The following TEX22 variants were observed in gnomAD, a reference collection of about 807,000 sequenced individuals.
TEX22 encodes the protein testis-expressed protein 22.
TEX22 carries 16 observed loss-of-function variants against 11.3 expected under a neutral mutation model. That is an observed-to-expected ratio of 1.42 (90% CI 0.96 to 2.15). The LOEUF (loss-of-function observed/expected upper bound fraction) is 2.15, where lower values mean the gene tolerates loss of function less well. Ranked by LOEUF, TEX22 falls within the 30% of genes most tolerant of loss-of-function variation. The pLI is 0.00. For missense variants in TEX22, 220 were observed against 208.6 expected (o/e 1.05, Z -0.34); for synonymous variants, 97 against 92.3 (o/e 1.05, Z -0.29).
intron 2 of TEX22, among the ~76,000 whole-genome samples, chr14:105,401,247 AAG>A (rs1223203534): frequency 6.6e-6 from 1 of 152,230 alleles, no homozygotes; most frequent in East Asian, 1.9e-4. Flanking sequence ...ATGTAAATAA[AAG>A]AAGATTGTAA....
intron 2 of TEX22, among the ~76,000 whole-genome samples, chr14:105,403,756 A>G (rs1258997892): frequency 2.0e-5 from 3 of 152,210 alleles, no homozygotes; most frequent in African/African-American, 7.2e-5. Context: ...AGCTTCCCAA[A>G]AACAATTCAG....
intron 2 of TEX22, among the ~76,000 whole-genome samples, chr14:105,404,302 AGAGT>A (rs1377955264): frequency 1.3e-5 from 2 of 152,220 alleles, no homozygotes; most frequent in African/African-American, 2.4e-5. Context: ...GGCTTCCCCC[AGAGT>A]GAGTGAGTGG....
At chr14:105,407,013 G>T (rs1190612163) in intron 2 of TEX22, among the ~76,000 whole-genome samples, 1 of 151,516 alleles carries the variant, frequency 6.6e-6, no homozygotes, top group Non-Finnish European at 1.5e-5. Context: ...CTCACGTTTT[G>T]GTGTGTCCTG....
At chr14:105,410,042 T>C (rs1555419182) in intron 2 of TEX22, among the ~76,000 whole-genome samples, 1 of 152,202 alleles carries the variant, frequency 6.6e-6, no homozygotes. Flanking sequence ...CTGCTGGGAT[T>C]GCAGATGTGA....
chr14:105,407,067 TA>T (rs1327289649), intron 2 of TEX22, among the ~76,000 whole-genome samples: 5 of 96,216 alleles, frequency 5.2e-5, no homozygotes, highest in African/African-American at 2.2e-4. Flanking sequence ...GCTAATTTCT[TA>T]ATTTTTTTTT....
At chr14:105,409,854 G>A (rs2081679738) in intron 2 of TEX22, among the ~76,000 whole-genome samples, 1 of 149,418 alleles carries the variant, frequency 6.7e-6, no homozygotes. Context: ...ACAGTTCACT[G>A]CAGCCTCAGC....
chr14:105,406,158 A>G (rs2081657611), intron 2 of TEX22, among the ~76,000 whole-genome samples: 2 of 152,234 alleles, frequency 1.3e-5, no homozygotes, highest in Non-Finnish European at 2.9e-5. Flanking sequence ...CCATGTGAGC[A>G]CTGAGAGAGT....
intron 2 of TEX22, among the ~76,000 whole-genome samples, chr14:105,407,726 A>T (rs782534477): frequency 6.6e-6 from 1 of 152,144 alleles, no homozygotes; most frequent in Non-Finnish European, 1.5e-5. Flanking sequence ...TTCACTCAGG[A>T]CTTAATTAGA....
chr14:105,399,406 G>A lies in TEX22; in HGVS notation c.66G>A (p.Arg22=). Residue 22 remains arginine, a synonymous_variant, in exon 2 of 4, where the codon AGG becomes AGA. Coordinates refer to ENST00000451127, the MANE Select transcript of TEX22 (RefSeq NM_001195082.2). ...AGTCGCACCTCTCCCAAGAGCACAG[G>A]CGGCCCCCACTGGGCCTGATAGCAG... ...KLESHLSQEH[R]RPPLGLIAAW... 2 of 1,535,844 alleles carry A rather than the reference G, an allele frequency of 1.3e-6. No homozygotes were observed. The highest frequency in any genetic ancestry group is 1.7e-6 in the Non-Finnish European group (2 of 1,146,788).
chr14:105,398,676 C>T (rs973337171), intron 1 of TEX22, 41 bp downstream of exon 1: 1 of 152,708 alleles, frequency 6.5e-6, no homozygotes. Flanking sequence ...ACGTACCCCC[C>T]ACCTCCGACC....
At chr14:105,400,737 C>T (rs1165287744) in intron 2 of TEX22, among the ~76,000 whole-genome samples, 5 of 152,004 alleles carry the variant, frequency 3.3e-5, no homozygotes, top group Non-Finnish European at 5.9e-5. Flanking sequence ...CAAGGGCAGG[C>T]GAGCAGTGGG....
Position 105,411,956 on chromosome 14 carries a change from A to G in TEX22, c.*123A>G. On this transcript the variant is annotated 3_prime_UTR_variant, in exon 4 of 4. Coordinates refer to ENST00000451127, the MANE Select transcript of TEX22 (RefSeq NM_001195082.2). Reference sequence around the variant, plus strand: ...CACCACCCACCCATGTTAGGAAAACAGGCCAGGCAGGACCTGGCTCCGGAC... The same window carrying G: ...CACCACCCACCCATGTTAGGAAAACGGGCCAGGCAGGACCTGGCTCCGGAC... 1 of 1,020,248 alleles carries G rather than the reference A, an allele frequency of 9.8e-7. No individual in the cohort carries two copies. The highest frequency in any genetic ancestry group is 1.7e-5 in the African/African-American group (1 of 58,786). The allele number at this position is 1,020,248 out of a possible 1,614,324, so 63.2% of individuals were successfully genotyped here.
intron 2 of TEX22, among the ~76,000 whole-genome samples, chr14:105,409,046 T>C (rs2081674324): frequency 6.7e-6 from 1 of 149,466 alleles, no homozygotes; most frequent in Non-Finnish European, 1.5e-5. Flanking sequence ...GACTCTCCTC[T>C]CACAGACCCC....
chr14:105,411,557 C>T, intron 3 of TEX22, 61 bp downstream of exon 3: 1 of 1,194,312 alleles, frequency 8.4e-7, no homozygotes, highest in Non-Finnish European at 1.0e-6. Flanking sequence ...TCCGCCTCGC[C>T]TCCCTCGACT....
intron 2 of TEX22, among the ~76,000 whole-genome samples, chr14:105,403,647 A>G (rs587672689): frequency 6.6e-6 from 1 of 152,292 alleles, no homozygotes; most frequent in East Asian, 1.9e-4. Context: ...GTGGTCTTGA[A>G]CTGGGCTCAT....
chr14:105,405,533 A>G (rs900648109), intron 2 of TEX22, among the ~76,000 whole-genome samples: 27 of 152,260 alleles, frequency 1.8e-4, no homozygotes, highest in African/African-American at 6.5e-4. Context: ...AAGCACAGGA[A>G]TATTCCAACC....
chr14:105,400,343 T>C (rs2081620270), intron 2 of TEX22, among the ~76,000 whole-genome samples: 1 of 152,182 alleles, frequency 6.6e-6, no homozygotes, highest in Non-Finnish European at 1.5e-5. Flanking sequence ...AAAACCCCTA[T>C]GATGGTGTCA....
At chr14:105,399,181 C>A (rs1555418074) in intron 1 of TEX22, 121 bp from the exon 2 acceptor site, 2 of 624,062 alleles carry the variant, frequency 3.2e-6, no homozygotes, top group Non-Finnish European at 5.6e-6. Flanking sequence ...TGACCTTTGG[C>A]TGGAAGGTGA....
intron 2 of TEX22, 46 bp downstream of exon 2, chr14:105,399,536 C>G: frequency 3.4e-6 from 5 of 1,484,502 alleles, no homozygotes; most frequent in Non-Finnish European, 4.5e-6. Flanking sequence ...CTGTCCCCAG[C>G]CCGCCTGAGG....
Sources: gnomAD v4.1 joint callset for allele counts (sites outside exome capture counted in the v4.1 genomes callset) on GRCh38, gnomAD v4.1.1 for gene constraint, MANE v1.5 for transcripts, NCBI Gene and HGNC (gene_info 2026-07-23, HGNC 2026-07-21) for gene names.